Variants in SWAP70 observed in about 807,000 individuals in gnomAD.
The protein encoded by SWAP70 is switch-associated protein 70.
In SWAP70, 34 loss-of-function variants were observed where a neutral mutation model predicts 80.2. The ratio of observed to expected loss-of-function variants is 0.42; its 90% CI spans 0.32 to 0.56. The LOEUF (loss-of-function observed/expected upper bound fraction) is 0.56. SWAP70 is among the 20% of genes least tolerant of loss of function. The probability of loss-of-function intolerance (pLI) is 0.09; values close to 1 mark genes in which losing one functional copy is unlikely to be tolerated. For synonymous variants in SWAP70, 239 were observed against 238.5 expected (o/e 1.00, Z -0.02); for missense variants, 578 against 690.7 (o/e 0.84, Z 1.83).
At chr11:9,746,530 A>C (rs1845884) in intron 9 of SWAP70, among the ~76,000 whole-genome samples, 15,127 of 152,226 alleles carry the variant, frequency 0.099, 1,912 homozygotes, top group East Asian at 0.28. Flanking sequence ...GTGTACATCA[A>C]ACTCCAAGAG....
At chr11:9,732,418 G>T (rs1421815586) in intron 6 of SWAP70, 111 bp from the exon 7 acceptor site, 2 of 1,083,606 alleles carry the variant, frequency 1.8e-6, no homozygotes, top group Admixed American at 2.3e-5. Flanking sequence ...ATCTACACTG[G>T]GCCTTCTGGC....
chr11:9,682,495 G>C (rs1850579798), intron 1 of SWAP70, among the ~76,000 whole-genome samples: 1 of 152,108 alleles, frequency 6.6e-6, no homozygotes, highest in African/African-American at 2.4e-5. Context: ...ATAAACCAGA[G>C]CTTACTGGAG....
chr11:9,684,475 T>C (rs1028328524), intron 1 of SWAP70, among the ~76,000 whole-genome samples: 5 of 152,208 alleles, frequency 3.3e-5, no homozygotes, highest in Admixed American at 6.5e-5. Flanking sequence ...AAGGAGGTGA[T>C]AGTCAAGGAG....
chr11:9,664,228 A>C lies in SWAP70; in HGVS notation c.49A>C (p.Thr17Pro). The C allele has an allele frequency of 6.3e-7, 1 of 1,594,828 alleles. No individual in the cohort carries two copies. Among genetic ancestry groups the C allele is most frequent in the South Asian group, 1.1e-5 (1 of 87,670 alleles). Residue 17 changes from threonine to proline, a missense_variant, in exon 1 of 12, where the codon ACC (threonine) becomes CCC (proline). Thr to Pro is a conservative substitution (Grantham distance 38). Coordinates refer to ENST00000318950, the MANE Select transcript of SWAP70 (RefSeq NM_015055.4). ...GCTCAAAGCCATCTGGCACGCCTTC[A>C]CCGCACTCGACCAGGACCACAGCGG... ...ELLKAIWHAF[T>P]ALDQDHSGKV...
chr11:9,675,657 CCT>C (rs1850489694), intron 1 of SWAP70, among the ~76,000 whole-genome samples: 1 of 151,922 alleles, frequency 6.6e-6, no homozygotes, highest in African/African-American at 2.4e-5. Context: ...GCACACCACC[CCT>C]CTCCCCAAAA....
At chr11:9,738,172 C>CT (rs1323251571) in intron 7 of SWAP70, 41 bp from the exon 8 acceptor site, 1 of 1,494,592 alleles carries the variant, frequency 6.7e-7, no homozygotes, top group Non-Finnish European at 9.2e-7. Flanking sequence ...TACTTCTACT[C>CT]TAACACCTGC....
At chr11:9,708,643 C>G (rs1008023555) in intron 2 of SWAP70, among the ~76,000 whole-genome samples, 1 of 152,098 alleles carries the variant, frequency 6.6e-6, no homozygotes, top group Non-Finnish European at 1.5e-5. Context: ...TAGCCATTTC[C>G]CCTCAGGAAC....
At chr11:9,740,016 T>C (rs1354268161) in intron 8 of SWAP70, among the ~76,000 whole-genome samples, 165 bp from the exon 9 acceptor site, 1 of 152,204 alleles carries the variant, frequency 6.6e-6, no homozygotes, top group Non-Finnish European at 1.5e-5. Context: ...CGATTGGGTG[T>C]GGTACCCTCA....
intron 3 of SWAP70, chr11:9,720,391 C>G: frequency 2.0e-6 from 2 of 985,386 alleles, no homozygotes; most frequent in South Asian, 4.7e-5. Flanking sequence ...GAGTTTGCTA[C>G]TAATAGGCGC....
intron 3 of SWAP70, among the ~76,000 whole-genome samples, chr11:9,715,631 A>G (rs552564634): frequency 1.3e-5 from 2 of 152,340 alleles, no homozygotes; most frequent in South Asian, 2.1e-4. Context: ...CATGTCTCAC[A>G]TGGTGGCAGA....
intron 3 of SWAP70, among the ~76,000 whole-genome samples, chr11:9,718,034 G>T (rs1320121541): frequency 6.6e-6 from 1 of 152,200 alleles, no homozygotes; most frequent in African/African-American, 2.4e-5. Context: ...ACCCACATGG[G>T]CCTTGATGTG....
intron 4 of SWAP70, among the ~76,000 whole-genome samples, chr11:9,726,515 T>C (rs1419893058): frequency 6.6e-6 from 1 of 152,192 alleles, no homozygotes; most frequent in African/African-American, 2.4e-5. Flanking sequence ...CTCAGCCTCT[T>C]AGGATGGCAG....
rs1482295807 is a variant in SWAP70 at position 9,751,297 on chromosome 11, A to T, written c.*1327A>T. The T allele has an allele frequency of 2.0e-5, 3 of 152,226 alleles. No individual in the cohort carries two copies. The East Asian group carries it at 5.8e-4, about 29-fold the overall frequency. The allele number at this position is 152,226 out of a possible 1,614,324, so 9.4% of individuals were successfully genotyped here. On this transcript the variant is annotated 3_prime_UTR_variant, in exon 12 of 12. Transcript: ENST00000318950. ...GGAAATATCCAACAGAAATACGTCT[A>T]ACAGGGAAATTGGGATCATAGTTTA...
Position 9,749,090 on chromosome 11 carries a change from G to A in SWAP70, c.1558G>A (p.Val520Ile). The change falls in exon 11 of 12, where the codon GTT (valine) becomes ATT (isoleucine). Residue 520 changes from valine to isoleucine, a missense_variant. Transcript: ENST00000318950. ...CCAAAATCCACTTTTGTTTCAGGAA[G>A]TTAAAAAGAAGCTGGAGATGGCAAC... ...RKQALEQYEEVKKKLEMATNK... is the reference protein window; with the variant it reads ...RKQALEQYEEIKKKLEMATNK... 2 of 1,610,374 alleles carry A rather than the reference G, an allele frequency of 1.2e-6. No homozygotes were observed. The highest frequency in any genetic ancestry group is 1.7e-6 in the Non-Finnish European group (2 of 1,178,096).
intron 3 of SWAP70, among the ~76,000 whole-genome samples, chr11:9,716,540 A>G (rs1851068540): frequency 6.6e-6 from 1 of 152,226 alleles, no homozygotes; most frequent in Admixed American, 6.5e-5. Context: ...AATGGGGATA[A>G]CTACTTTCTT....
Position 9,747,916 on chromosome 11 carries a change from C to T in SWAP70, c.1414C>T (p.Gln472Ter). Reference sequence around the variant, plus strand: ...ACTAGAAAAGTGGCACTTGGAGCAGCAGCAGGCCATTCAGACAACCGAGGC... The same window carrying T: ...ACTAGAAAAGTGGCACTTGGAGCAGTAGCAGGCCATTCAGACAACCGAGGC... ...AELEKWHLEQ[Q>*]QAIQTTEAEK... The change falls in exon 10 of 12, where the codon CAG (glutamine) becomes TAG (stop). Residue 472 changes from glutamine to a stop codon, truncating the protein, a stop_gained. Coordinates refer to ENST00000318950, the MANE Select transcript of SWAP70 (RefSeq NM_015055.4). LOFTEE classifies it high-confidence loss of function. The T allele has an allele frequency of 1.2e-6, 2 of 1,614,178 alleles. No homozygotes were observed. The highest frequency in any genetic ancestry group is 1.7e-6 in the Non-Finnish European group (2 of 1,180,042).
At chr11:9,679,411 A>G (rs1449778294) in intron 1 of SWAP70, among the ~76,000 whole-genome samples, 1 of 152,194 alleles carries the variant, frequency 6.6e-6, no homozygotes, top group Non-Finnish European at 1.5e-5. Context: ...CATCTCCATC[A>G]ATTCTTTCAG....
intron 8 of SWAP70, 64 bp downstream of exon 8, chr11:9,738,384 A>G (rs1271741480): frequency 7.8e-7 from 1 of 1,274,558 alleles, no homozygotes; most frequent in East Asian, 2.5e-5. Flanking sequence ...GGGAACAGGG[A>G]AGGGCTGGAG....
At chr11:9,731,586 A>G (rs16906939) in intron 6 of SWAP70, among the ~76,000 whole-genome samples, 2,789 of 152,328 alleles carry the variant, frequency 0.018, 68 homozygotes, top group African/African-American at 0.052. Context: ...CTTCATGTAT[A>G]GTACTTTTGG....
Sources: allele counts gnomAD v4.1 joint callset (sites outside exome capture counted in the v4.1 genomes callset), GRCh38; gene constraint gnomAD v4.1.1; transcripts MANE v1.5; gene names NCBI Gene and HGNC (gene_info 2026-07-23, HGNC 2026-07-21).